Variants in ZSCAN32 observed in about 807,000 individuals in gnomAD.
ZSCAN32 encodes zinc finger and SCAN domain-containing protein 32.
In ZSCAN32, 52 loss-of-function variants were observed where a neutral mutation model predicts 47.4. That is an observed-to-expected ratio of 1.10 (90% CI 0.88 to 1.38). ZSCAN32 has a LOEUF of 1.38. Among genes scored for constraint, ZSCAN32 ranks in the 40% most tolerant of loss-of-function variants. The pLI is 0.00. For synonymous variants in ZSCAN32, 346 were observed against 305.7 expected (o/e 1.13, Z -1.38); for missense variants, 959 against 846.0 (o/e 1.13, Z -1.66).
chr16:3,387,627 T>A (rs1320588356), intron 5 of ZSCAN32, among the ~76,000 whole-genome samples: 1 of 152,194 alleles, frequency 6.6e-6, no homozygotes, highest in Non-Finnish European at 1.5e-5. Flanking sequence ...TCACCCCCTC[T>A]TCTCCACACT....
At chr16:3,389,587 A>G (rs980542925) in intron 5 of ZSCAN32, among the ~76,000 whole-genome samples, 17 of 152,150 alleles carry the variant, frequency 1.1e-4, no homozygotes. Context: ...TGGGCATAGT[A>G]GACTGTCCTG....
chr16:3,393,697 A>G lies in ZSCAN32; in HGVS notation c.484T>C (p.Phe162Leu), dbSNP rs745385272. ...KQEVQPEEPT[F>L]KGSQSSHQRP... Reference sequence around the variant, plus strand: ...TGGTGTGAGCTCTGTGATCCCTTAAAAGTCGGTTCCTCTGGCTGAACCTCC... The same window carrying G: ...TGGTGTGAGCTCTGTGATCCCTTAAGAGTCGGTTCCTCTGGCTGAACCTCC... The change falls in exon 3 of 7, where the codon TTT becomes CTT. Residue 162 changes from phenylalanine (F) to leucine (L), a missense_variant. Transcript: ENST00000396852. 30 of 1,550,092 alleles carry G rather than the reference A, an allele frequency of 1.9e-5. No homozygotes were observed. Among genetic ancestry groups the G allele is most frequent in the Non-Finnish European group, 2.6e-5 (30 of 1,146,874 alleles).
In ZSCAN32 at chr16:3,384,612, T is replaced by C. The variant is rs758180277; in HGVS notation, c.1081A>G (p.Ile361Val). Residue 361 changes from isoleucine (I) to valine (V), a missense_variant, in exon 6 of 7, where the codon ATT becomes GTT. By Grantham distance (29) the Ile-to-Val change is conservative. Transcript: ENST00000396852. ...TGGTGATTCAGCTCTCCAGCCTCAA[T>C]ATCACTTCCTTCTTGGCCAGGAACA... is the stretch of plus-strand genomic sequence containing the variant. ...DAVPGQEGSDIEAGELNHQNG... is the reference protein window; with the variant it reads ...DAVPGQEGSDVEAGELNHQNG... 1.5e-5 allele frequency: 24 copies of C among 1,614,024 alleles called. No homozygotes were observed. Among genetic ancestry groups the C allele is most frequent in the Non-Finnish European group, 1.8e-5 (21 of 1,180,022 alleles).
At chr16:3,396,919 C>T in intron 2 of ZSCAN32, among the ~76,000 whole-genome samples, 1 of 152,202 alleles carries the variant, frequency 6.6e-6, no homozygotes. Context: ...GTTGTCCTTT[C>T]CCTGGCCTTG....
intron 2 of ZSCAN32, 136 bp from the exon 3 acceptor site, chr16:3,393,950 G>T: frequency 1.5e-6 from 1 of 669,176 alleles, no homozygotes; most frequent in Non-Finnish European, 2.3e-6. Context: ...TATTGCTGCT[G>T]TAATAAAATA....
chr16:3,392,972 T>TA (rs916788798), intron 3 of ZSCAN32, among the ~76,000 whole-genome samples: 1 of 150,146 alleles, frequency 6.7e-6, no homozygotes, highest in African/African-American at 2.5e-5. Flanking sequence ...TGTCTTCAAG[T>TA]ATATGAAAAA....
At chr16:3,387,417 C>T (rs2032146020) in intron 5 of ZSCAN32, among the ~76,000 whole-genome samples, 1 of 152,224 alleles carries the variant, frequency 6.6e-6, no homozygotes, top group Non-Finnish European at 1.5e-5. Flanking sequence ...TAAATGACAG[C>T]AGTTAACACA....
rs142654684 is a variant in ZSCAN32 at position 3,383,558 on chromosome 16, C to T, written c.1388G>A (p.Arg463Lys). 2.2e-4 allele frequency: 354 copies of T among 1,614,042 alleles called. No homozygotes were observed. Among genetic ancestry groups the T allele is most frequent in the Non-Finnish European group, 2.9e-4 (342 of 1,180,010 alleles). Residue 463 changes from arginine (R) to lysine (K), a missense_variant, in exon 7 of 7, where the codon AGG becomes AAG. Arg to Lys is a conservative substitution (Grantham distance 26). Transcript: ENST00000396852. Reference sequence around the variant, plus strand: ...CTCCCCTGGAGAATTTCTACATTGCCTTCTTGATGTTGGCTCACTCTCCAA... The same window carrying T: ...CTCCCCTGGAGAATTTCTACATTGCTTTCTTGATGTTGGCTCACTCTCCAA... ...KGLESEPTSR[R>K]QCRNSPGESE... is the part of the protein sequence containing the mutation.
At position 3,393,647 on chromosome 16, in the gene ZSCAN32, A is replaced by C. The variant is rs758748420; in HGVS notation, c.532+2T>G. Reference sequence around the variant, plus strand: ...CAGGTGAGGACAGAGGCTTCTGCTTACCTTCTGACTGTTCCCCTGGTCTTT... The same window carrying C: ...CAGGTGAGGACAGAGGCTTCTGCTTCCCTTCTGACTGTTCCCCTGGTCTTT... On this transcript the variant is annotated splice_donor_variant, in intron 3 of 6. Coordinates refer to ENST00000396852, the MANE Select transcript of ZSCAN32 (RefSeq NM_001284527.2). LOFTEE classifies it high-confidence loss of function. 8 of 1,542,762 alleles carry C rather than the reference A, an allele frequency of 5.2e-6. No individual in the cohort carries two copies. The highest frequency in any genetic ancestry group is 7.0e-6 in the Non-Finnish European group (8 of 1,142,544).
At chr16:3,394,904 G>T (rs1418576465) in intron 2 of ZSCAN32, among the ~76,000 whole-genome samples, 1 of 152,066 alleles carries the variant, frequency 6.6e-6, no homozygotes, top group East Asian at 1.9e-4. Context: ...TCCTCCTTCA[G>T]TGTCACCTCA....
intron 1 of ZSCAN32, among the ~76,000 whole-genome samples, chr16:3,399,366 A>G (rs374293668): frequency 6.6e-6 from 1 of 151,830 alleles, no homozygotes; most frequent in Non-Finnish European, 1.5e-5. Flanking sequence ...AAAGCTCTTC[A>G]TTTTCTAGGA....
chr16:3,394,049 G>C (rs911788040), intron 2 of ZSCAN32, among the ~76,000 whole-genome samples: 2 of 152,118 alleles, frequency 1.3e-5, no homozygotes, highest in Non-Finnish European at 2.9e-5. Flanking sequence ...GATCACGTGA[G>C]GTCAGGAGTT....
intron 1 of ZSCAN32, 84 bp from the exon 2 acceptor site, chr16:3,397,828 T>TG: frequency 6.1e-6 from 2 of 326,096 alleles, no homozygotes; most frequent in Non-Finnish European, 1.1e-5. Flanking sequence ...ATCCCTTTCC[T>TG]TTACTCCCTC....
chr16:3,392,998 T>C (rs928143182), intron 3 of ZSCAN32, among the ~76,000 whole-genome samples: 1 of 148,938 alleles, frequency 6.7e-6, no homozygotes, highest in Non-Finnish European at 1.5e-5. Context: ...GTGCAGAAGG[T>C]GAAGGTAACC....
Position 3,397,307 on chromosome 16 carries a change from T to G in ZSCAN32, c.251A>C (p.Gln84Pro). The G allele has an allele frequency of 6.4e-7, 1 of 1,572,230 alleles. No individual in the cohort carries two copies. The highest frequency in any genetic ancestry group is 8.6e-7 in the Non-Finnish European group (1 of 1,158,740). Residue 84 changes from glutamine to proline, a missense_variant, in exon 2 of 7, where the codon CAG becomes CCG. Physicochemically the swap from Gln to Pro is moderately conservative, Grantham distance 76. Coordinates refer to ENST00000396852, the MANE Select transcript of ZSCAN32 (RefSeq NM_001284527.2). ...EEILELLVLE[Q>P]FLTILPEEIQ... ...CTCCTCTGGCAAGATAGTCAGAAACTGCTCCAAAACCAGCAGCTCCAGGAT... is the reference window on the plus strand; with the variant it reads ...CTCCTCTGGCAAGATAGTCAGAAACGGCTCCAAAACCAGCAGCTCCAGGAT...
At chr16:3,387,185 G>T (rs1161312744) in intron 5 of ZSCAN32, among the ~76,000 whole-genome samples, 1 of 152,164 alleles carries the variant, frequency 6.6e-6, no homozygotes, top group Non-Finnish European at 1.5e-5. Flanking sequence ...TGGCAATAAG[G>T]GTAGTGGCTT....
At position 3,384,946 on chromosome 16, in the gene ZSCAN32, G is replaced by A. The variant is rs780388728; in HGVS notation, c.752-5C>T. ...AGCCCCAGGGCACACCTGTTGCTGG[G>A]GGACAAAGAATAGGTCAATTAGATC... On this transcript the variant is annotated splice_polypyrimidine_tract_variant and splice_region_variant and intron_variant, in intron 5 of 6. Coordinates refer to ENST00000396852, the MANE Select transcript of ZSCAN32 (RefSeq NM_001284527.2). 6.2e-7 allele frequency: 1 copy of A among 1,608,702 alleles called. No homozygotes were observed. Among genetic ancestry groups the A allele is most frequent in the Admixed American group, 1.7e-5 (1 of 59,526 alleles).
chr16:3,397,376 A>T lies in ZSCAN32; in HGVS notation c.182T>A (p.Leu61His). The T allele has an allele frequency of 6.4e-7, 1 of 1,555,322 alleles. No individual in the cohort carries two copies. Among genetic ancestry groups the T allele is most frequent in the Non-Finnish European group, 8.7e-7 (1 of 1,149,692 alleles). The change falls in exon 2 of 7, where the codon CTC becomes CAC. Residue 61 changes from leucine to histidine, a missense_variant. Physicochemically the swap from Leu to His is moderately conservative, Grantham distance 99. Coordinates refer to ENST00000396852, the MANE Select transcript of ZSCAN32 (RefSeq NM_001284527.2). ...PHEAFSKLWE[L>H]CCQWLRPKTH... ...CTTCGGCCTCAGCCACTGACAACAG[A>T]GTTCCCAGAGTTTGCTAAAAGCTTC...
At chr16:3,399,572 A>G (rs765766111) in intron 1 of ZSCAN32, among the ~76,000 whole-genome samples, 7 of 152,106 alleles carry the variant, frequency 4.6e-5, no homozygotes, top group Non-Finnish European at 8.8e-5. Context: ...ATAGTTTTAT[A>G]TAATTTAAAA....
Sources: allele counts gnomAD v4.1 joint callset (sites outside exome capture counted in the v4.1 genomes callset), GRCh38; gene constraint gnomAD v4.1.1; transcripts MANE v1.5; gene names NCBI Gene and HGNC (gene_info 2026-07-23, HGNC 2026-07-21).